Variants in THSD7B observed in about 807,000 individuals in gnomAD.
The protein encoded by THSD7B is thrombospondin type-1 domain-containing protein 7B.
In THSD7B, 138 loss-of-function variants were observed where a neutral mutation model predicts 213.6. The observed-to-expected ratio is 0.65, with a 90% confidence interval of 0.56 to 0.74. The LOEUF is 0.74. THSD7B is among the 30% of genes least tolerant of loss of function. The pLI is 0.00. For synonymous variants in THSD7B, 742 were observed against 687.0 expected (o/e 1.08, Z -1.25); for missense variants, 1,931 against 1,991.5 (o/e 0.97, Z 0.58).
chr2:136,807,157 G>A (rs1593766), intron 1 of THSD7B, among the ~76,000 whole-genome samples: 65,838 of 151,878 alleles, frequency 0.43, 14,771 homozygotes, highest in African/African-American at 0.53. Context: ...CTTCTATATG[G>A]TGCCTTTTGG....
chr2:136,922,253 C>G (rs893386383), intron 2 of THSD7B, among the ~76,000 whole-genome samples: 1 of 152,110 alleles, frequency 6.6e-6, no homozygotes, highest in African/African-American at 2.4e-5. Flanking sequence ...GCATTTATGT[C>G]GAACAGTATT....
rs1190258513 is a variant in THSD7B at position 137,677,489 on chromosome 2, C to A, written c.*884C>A. The A allele has an allele frequency of 6.6e-6, 1 of 152,490 alleles. No homozygotes were observed. The highest frequency in any genetic ancestry group is 2.4e-5 in the African/African-American group (1 of 41,428). The allele number at this position is 152,490 out of a possible 1,614,324, so 9.4% of individuals were successfully genotyped here. ...TTTCTTATCTGAATATTTATAAATTCTTCTTTCAAATTTAATTATCTGACC... is the reference window on the plus strand; with the variant it reads ...TTTCTTATCTGAATATTTATAAATTATTCTTTCAAATTTAATTATCTGACC... On this transcript the variant is annotated 3_prime_UTR_variant, in exon 28 of 28. Transcript: ENST00000409968.
chr2:137,563,863 G>A (rs1681175981), intron 16 of THSD7B, among the ~76,000 whole-genome samples: 1 of 152,146 alleles, frequency 6.6e-6, no homozygotes, highest in African/African-American at 2.4e-5. Context: ...AGAGAATTTA[G>A]TGAATGCTAG....
chr2:137,421,667 C>G (rs908029342), intron 14 of THSD7B, among the ~76,000 whole-genome samples: 9 of 152,104 alleles, frequency 5.9e-5, no homozygotes, highest in Non-Finnish European at 8.8e-5. Flanking sequence ...ATTCCTTCCA[C>G]AGGATATAGG....
chr2:136,929,034 G>A (rs1420394519), intron 2 of THSD7B, among the ~76,000 whole-genome samples: 2 of 152,110 alleles, frequency 1.3e-5, no homozygotes, highest in African/African-American at 4.8e-5. Context: ...TACTCCTGCT[G>A]TACTGTAAAT....
intron 7 of THSD7B, among the ~76,000 whole-genome samples, chr2:137,192,402 A>G (rs1680675371): frequency 1.3e-5 from 2 of 152,196 alleles, no homozygotes; most frequent in Admixed American, 1.3e-4. Flanking sequence ...TCAATCATGA[A>G]TGTCATTTCT....
At position 137,283,447 on chromosome 2, in the gene THSD7B, T is replaced by C. The variant is rs1157428342; in HGVS notation, c.2500+7421T>C. Among the ~76,000 whole-genome samples, 13 of 152,010 alleles carry C rather than the reference T, an allele frequency of 8.6e-5. No individual in the cohort carries two copies. The East Asian group carries it at 2.1e-3, about 25-fold the overall frequency. On this transcript the variant is annotated intron_variant, in intron 12 of 27. Transcript: ENST00000409968. The stretch of plus-strand genomic sequence containing the variant: ...CTTCCAACACTATGTTGAATAGGAG[T>C]GGTGAGAGAGGGCATCCCTGTCTTG...
At chr2:136,767,113 C>T (rs1203560428) in intron 1 of THSD7B, among the ~76,000 whole-genome samples, 1 of 152,114 alleles carries the variant, frequency 6.6e-6, no homozygotes, top group African/African-American at 2.4e-5. Flanking sequence ...CTGAGTTTCT[C>T]GAGTAACTAG....
intron 15 of THSD7B, among the ~76,000 whole-genome samples, chr2:137,526,312 G>A (rs1254533831): frequency 6.6e-6 from 1 of 152,078 alleles, no homozygotes; most frequent in Non-Finnish European, 1.5e-5. Context: ...GTAAGATATG[G>A]TGCTAGGGGC....
intron 1 of THSD7B, among the ~76,000 whole-genome samples, chr2:136,826,346 T>G (rs2104942279): frequency 6.6e-6 from 1 of 152,346 alleles, no homozygotes; most frequent in African/African-American, 2.4e-5. Context: ...GCAAATAAAC[T>G]GTAAGCACCT....
At chr2:137,005,881 C>T (rs929095687) in intron 2 of THSD7B, among the ~76,000 whole-genome samples, 17 of 152,226 alleles carry the variant, frequency 1.1e-4, no homozygotes, top group East Asian at 3.9e-4. Flanking sequence ...AGGGAAAACT[C>T]ATTTAACATT....
chr2:137,269,469 G>C (rs562570036), intron 10 of THSD7B, among the ~76,000 whole-genome samples: 1 of 152,290 alleles, frequency 6.6e-6, no homozygotes, highest in Admixed American at 6.5e-5. Flanking sequence ...GTCTCCCTTG[G>C]GGATTCTCCC....
intron 7 of THSD7B, among the ~76,000 whole-genome samples, chr2:137,175,287 T>C (rs1680337795): frequency 6.6e-6 from 1 of 152,208 alleles, no homozygotes; most frequent in Admixed American, 6.5e-5. Flanking sequence ...AAAAAGTGTT[T>C]ACATGTTTCA....
chr2:137,353,820 A>C (rs1005011336), intron 12 of THSD7B, among the ~76,000 whole-genome samples: 1 of 152,142 alleles, frequency 6.6e-6, no homozygotes, highest in Non-Finnish European at 1.5e-5. Flanking sequence ...CCTATTTTAC[A>C]TACTTCAGGA....
In THSD7B at chr2:137,575,742, A is replaced by ATT. The variant is rs910346014; in HGVS notation, c.3423+3190_3423+3191dup. Among the ~76,000 whole-genome samples, 9 of 147,418 alleles carry ATT rather than the reference A, an allele frequency of 6.1e-5. 1 individual carries two copies. Among genetic ancestry groups the ATT allele is most frequent in the Middle Eastern group, 7.4e-3 (2 of 272 alleles). ...ATAACACACATATATATATATATAT[A>ATT]TTTTTACTTTAACATGCTTACTTTT... is the stretch of plus-strand genomic sequence containing the variant. On this transcript the variant is annotated intron_variant, in intron 17 of 27. Transcript: ENST00000409968.
chr2:136,861,071 G>A (rs1339817644), intron 1 of THSD7B, among the ~76,000 whole-genome samples: 1 of 152,216 alleles, frequency 6.6e-6, no homozygotes, highest in Non-Finnish European at 1.5e-5. Context: ...GTATGTAGTA[G>A]GTACCCACTG....
chr2:137,004,153 CAAAAG>C (rs997862874), intron 2 of THSD7B, among the ~76,000 whole-genome samples: 1 of 152,022 alleles, frequency 6.6e-6, no homozygotes, highest in African/African-American at 2.4e-5. Flanking sequence ...CTTCATCAGT[CAAAAG>C]AAAAAGTGGC....
chr2:137,372,871 C>T (rs1685562584), intron 12 of THSD7B, among the ~76,000 whole-genome samples: 1 of 138,044 alleles, frequency 7.2e-6, no homozygotes, highest in African/African-American at 2.7e-5. Context: ...CAACAGTCCC[C>T]AGAGTGTGAT....
At chr2:136,954,226 CAG>C (rs1489596283) in intron 2 of THSD7B, among the ~76,000 whole-genome samples, 1 of 152,128 alleles carries the variant, frequency 6.6e-6, no homozygotes, top group Admixed American at 6.5e-5. Flanking sequence ...TTTAATGAGT[CAG>C]GGGGCTAATC....
Sources: gnomAD v4.1 joint callset for allele counts (sites outside exome capture counted in the v4.1 genomes callset) on GRCh38, gnomAD v4.1.1 for gene constraint, MANE v1.5 for transcripts, NCBI Gene and HGNC (gene_info 2026-07-23, HGNC 2026-07-21) for gene names.